The following UNC13C variants were observed in gnomAD, a reference collection of about 807,000 sequenced individuals.
UNC13C encodes the protein protein unc-13 homolog C.
A neutral mutation model predicts 245.4 loss-of-function variants in UNC13C; 174 were observed. That is an observed-to-expected ratio of 0.71 (90% CI 0.63 to 0.80). UNC13C has a LOEUF of 0.80. Among genes scored for constraint, UNC13C ranks in the 30% least tolerant of loss-of-function variants. The probability of loss-of-function intolerance (pLI) is 0.00; values close to 1 mark genes in which losing one functional copy is unlikely to be tolerated. For synonymous variants in UNC13C, 992 were observed against 895.1 expected (o/e 1.11, Z -1.93); for missense variants, 2,829 against 2,602.9 (o/e 1.09, Z -1.89).
chr15:53,908,572 TACAA>T, the UNC13C span, among the ~76,000 whole-genome samples: 3 of 142,840 alleles, frequency 2.1e-5, no homozygotes, highest in African/African-American at 7.7e-5. Context: ...ACCTTGTCTC[TACAA>T]ACAAACAAAC....
intron 7 of UNC13C, among the ~76,000 whole-genome samples, chr15:54,249,070 T>C (rs1347595915): frequency 1.3e-5 from 2 of 152,208 alleles, no homozygotes; most frequent in African/African-American, 4.8e-5. Flanking sequence ...ATCCATTCAT[T>C]ATGCATCAGG....
the UNC13C span, among the ~76,000 whole-genome samples, chr15:53,918,322 C>T: frequency 7.4e-6 from 1 of 135,080 alleles, no homozygotes; most frequent in African/African-American, 2.7e-5. Context: ...CAGTTTTCTT[C>T]CTGTTGTCAA....
the UNC13C span, among the ~76,000 whole-genome samples, chr15:53,839,861 G>C: frequency 2.0e-5 from 3 of 151,946 alleles, no homozygotes; most frequent in Non-Finnish European, 4.4e-5. Context: ...ATTTAATAAT[G>C]TCTCATATTA....
chr15:54,350,663 A>C (rs1176295720), intron 17 of UNC13C, among the ~76,000 whole-genome samples: 1 of 152,204 alleles, frequency 6.6e-6, no homozygotes. Context: ...TATAAAACTC[A>C]GATTTAATGT....
chr15:54,301,136 T>G (rs2037569092), intron 13 of UNC13C, among the ~76,000 whole-genome samples: 1 of 152,138 alleles, frequency 6.6e-6, no homozygotes, highest in Non-Finnish European at 1.5e-5. Flanking sequence ...AGGTGTAATT[T>G]GTAAATTATT....
chr15:54,241,784 G>C (rs1038331987), intron 7 of UNC13C, among the ~76,000 whole-genome samples: 2 of 152,162 alleles, frequency 1.3e-5, no homozygotes, highest in African/African-American at 4.8e-5. Flanking sequence ...CTTGTGATCG[G>C]GGCTGCAGAA....
chr15:54,455,642 C>A (rs1371800725), intron 19 of UNC13C, among the ~76,000 whole-genome samples: 1 of 150,702 alleles, frequency 6.6e-6, no homozygotes, highest in African/African-American at 2.4e-5. Flanking sequence ...TGTTTGTTGG[C>A]CATTTTATAT....
At chr15:54,241,174 G>A (rs972577183) in intron 7 of UNC13C, among the ~76,000 whole-genome samples, 2 of 152,100 alleles carry the variant, frequency 1.3e-5, no homozygotes, top group Non-Finnish European at 2.9e-5. Flanking sequence ...AGCATAAGAG[G>A]GATCCTAGAG....
At chr15:54,468,946 A>C (rs561349576) in intron 19 of UNC13C, among the ~76,000 whole-genome samples, 1 of 151,612 alleles carries the variant, frequency 6.6e-6, no homozygotes, top group South Asian at 2.1e-4. Context: ...TACAAATTTT[A>C]GGATTGTTTT....
At chr15:53,913,018 G>A in the UNC13C span, 1 of 152,218 alleles carries the variant, frequency 6.6e-6, no homozygotes, top group Non-Finnish European at 1.5e-5. Flanking sequence ...CTTCTCCATT[G>A]ACATTGCTCC....
At position 54,233,243 on chromosome 15, in the gene UNC13C, G is replaced by T. The variant is rs191179966; in HGVS notation, c.3072-1787G>T. On this transcript the variant is annotated intron_variant, in intron 4 of 32. Transcript: ENST00000260323. ...TATTAGCTATTTTATCATAGAATTA[G>T]TGGAGAAAGGGGTCTTTTAAATGTC... is the stretch of plus-strand genomic sequence containing the variant. 1.1e-3 allele frequency among the ~76,000 whole-genome samples: 163 copies of T among 152,220 alleles called. 1 individual carries two copies. Among genetic ancestry groups the T allele is most frequent in the African/African-American group, 3.6e-3 (148 of 41,558 alleles).
At chr15:54,397,164 G>A (rs1330075944) in intron 18 of UNC13C, among the ~76,000 whole-genome samples, 2 of 151,536 alleles carry the variant, frequency 1.3e-5, no homozygotes, top group African/African-American at 4.8e-5. Flanking sequence ...TTACATTTAA[G>A]TCTATAATTC....
intron 19 of UNC13C, among the ~76,000 whole-genome samples, chr15:54,438,982 A>C (rs571342472): frequency 3.9e-5 from 6 of 152,062 alleles, no homozygotes; most frequent in African/African-American, 1.2e-4. Flanking sequence ...TTAACTTATA[A>C]AGTTCTCACC....
At chr15:54,047,414 C>T (rs1897085414) in intron 2 of UNC13C, among the ~76,000 whole-genome samples, 1 of 151,954 alleles carries the variant, frequency 6.6e-6, no homozygotes. Context: ...CCAACCCCTA[C>T]CCTTCCTTCT....
chr15:53,937,292 A>C, the UNC13C span, among the ~76,000 whole-genome samples: 1 of 152,188 alleles, frequency 6.6e-6, no homozygotes, highest in South Asian at 2.1e-4. Flanking sequence ...TCAGAGCTTG[A>C]AGACTATCTT....
chr15:54,443,723 C>G (rs189938989), intron 19 of UNC13C, among the ~76,000 whole-genome samples: 4 of 152,008 alleles, frequency 2.6e-5, no homozygotes, highest in African/African-American at 4.8e-5. Context: ...TCCAATAGGT[C>G]CTCTTTGTAT....
At chr15:54,181,014 A>T in intron 4 of UNC13C, among the ~76,000 whole-genome samples, 1 of 151,446 alleles carries the variant, frequency 6.6e-6, no homozygotes, top group African/African-American at 2.4e-5. Context: ...CTACTTGCCA[A>T]CTTTTGTTTA....
chr15:54,508,612 G>T (rs1894589828), intron 23 of UNC13C, among the ~76,000 whole-genome samples: 1 of 151,888 alleles, frequency 6.6e-6, no homozygotes, highest in Admixed American at 6.6e-5. Flanking sequence ...CTAATATCTT[G>T]ACCAGCCTTA....
intron 2 of UNC13C, among the ~76,000 whole-genome samples, chr15:54,091,199 C>G (rs781590123): frequency 1.2e-4 from 19 of 152,118 alleles, no homozygotes; most frequent in Non-Finnish European, 2.5e-4. Context: ...AGTTTAAGAC[C>G]TGTAATTGTC....
Sources: gnomAD v4.1 joint callset for allele counts (sites outside exome capture counted in the v4.1 genomes callset) on GRCh38, gnomAD v4.1.1 for gene constraint, MANE v1.5 for transcripts, NCBI Gene and HGNC (gene_info 2026-07-23, HGNC 2026-07-21) for gene names.